Variants in INSRR observed in about 807,000 individuals in gnomAD.
INSRR encodes insulin receptor-related protein.
A neutral mutation model predicts 130.0 loss-of-function variants in INSRR; 114 were observed. The observed-to-expected ratio is 0.88, with a 90% CI of 0.75 to 1.02. INSRR has a LOEUF of 1.02. Ranked by LOEUF, INSRR falls within the 50% of genes least tolerant of loss-of-function variation. The probability of loss-of-function intolerance (pLI) is 0.00; values close to 1 mark genes in which losing one functional copy is unlikely to be tolerated. For synonymous variants in INSRR, 674 were observed against 705.2 expected (o/e 0.96, Z 0.70); for missense variants, 1,657 against 1,735.2 (o/e 0.95, Z 0.80).
At chr1:156,844,151 G>A in intron 15 of INSRR, 24 bp downstream of exon 15, 1 of 1,547,684 alleles carries the variant, frequency 6.5e-7, no homozygotes, top group Non-Finnish European at 8.9e-7. Flanking sequence ...AAAGGGGGTG[G>A]GGACCGGTGG....
Position 156,845,286 on chromosome 1 carries a change from G to T in INSRR, c.2227C>A (p.Arg743=), listed in dbSNP as rs1485234074. ...AGGGGCCCAGCTGCCCGGCGGTGCCGCCCTGAGTCCCTGGGGAGAGCGAGT... is the reference window on the plus strand; with the variant it reads ...AGGGGCCCAGCTGCCCGGCGGTGCCTCCCTGAGTCCCTGGGGAGAGCGAGT... The part of the protein sequence containing the change: ...INKSPQRDSG[R]HRRAAGPLRL... Residue 743 remains arginine (R), a synonymous_variant, in exon 12 of 22, where the codon CGG becomes AGG. Transcript: ENST00000368195. 6.2e-7 allele frequency: 1 copy of T among 1,612,654 alleles called. No homozygotes were observed.
At chr1:156,847,237 G>A (rs1655044952) in intron 7 of INSRR, among the ~76,000 whole-genome samples, 1 of 152,180 alleles carries the variant, frequency 6.6e-6, no homozygotes, top group African/African-American at 2.4e-5. Flanking sequence ...GTGCATGTGT[G>A]TTTTTCTAGA....
intron 12 of INSRR, 105 bp from the exon 13 acceptor site, chr1:156,844,948 G>T: frequency 1.3e-6 from 2 of 1,563,508 alleles, no homozygotes; most frequent in Non-Finnish European, 1.7e-6. Context: ...AAAGCTTTGG[G>T]ATTATGGGAA....
chr1:156,843,292 C>G lies in INSRR; in HGVS notation c.2897-59G>C, dbSNP rs530806347. On this transcript the variant is annotated intron_variant, in intron 16 of 21. Coordinates refer to ENST00000368195, the MANE Select transcript of INSRR (RefSeq NM_014215.3). ...GCTGCTCTCTGCCACACCTCACCCCCCAACTTCTCTTCTCCTCTTCTGAAG... is the reference window on the plus strand; with the variant it reads ...GCTGCTCTCTGCCACACCTCACCCCGCAACTTCTCTTCTCCTCTTCTGAAG... The G allele has an allele frequency of 3.2e-6, 5 of 1,576,478 alleles. No homozygotes were observed. The African/African-American group carries it at 6.7e-5, about 21-fold the overall frequency.
chr1:156,853,701 G>C, intron 2 of INSRR, 51 bp downstream of exon 2: 1 of 1,536,902 alleles, frequency 6.5e-7, no homozygotes, highest in African/African-American at 1.4e-5. Flanking sequence ...CCAGCCCCAT[G>C]TGACCCTGCT....
At chr1:156,858,396 G>T in intron 1 of INSRR, 141 bp downstream of exon 1, 1 of 671,388 alleles carries the variant, frequency 1.5e-6, no homozygotes, top group Non-Finnish European at 2.7e-6. Context: ...TTCCTGCTGG[G>T]CAGTTCTCCT....
chr1:156,844,256 TGCAGCCCCCCAGCATCCTCCTCCTCTG>T lies in INSRR; in HGVS notation c.2738-3_2761del. On this transcript the variant is annotated splice_acceptor_variant and splice_polypyrimidine_tract_variant and coding_sequence_variant and intron_variant, in exon 15 of 22. Transcript: ENST00000368195. LOFTEE classifies it high-confidence loss of function. ...CACAGGGGTGGCAGTGAGGAGGACA[TGCAGCCCCCCAGCATCCTCCTCCTCTG>T]GCAGTCAGAGGGCAGCAGAGGGTAG... 6.2e-7 allele frequency: 1 copy of T among 1,613,712 alleles called. No homozygotes were observed. The highest frequency in any genetic ancestry group is 8.5e-7 in the Non-Finnish European group (1 of 1,179,814).
In INSRR at chr1:156,842,122, G is replaced by C. The variant is rs752162923; in HGVS notation, c.3387C>G (p.Val1129=). The C allele has an allele frequency of 2.5e-5, 40 of 1,613,980 alleles. No homozygotes were observed. The highest frequency in any genetic ancestry group is 3.2e-5 in the Non-Finnish European group (38 of 1,180,000). The change falls in exon 19 of 22, where the codon GTC becomes GTG. Residue 1129 remains valine, a synonymous_variant. Transcript: ENST00000368195. The part of the protein sequence containing the change: ...RNCMVSQDFT[V]KIGDFGMTRD... ...TGGCACCCTCTGTACCCCCGATCTT[G>C]ACGGTGAAGTCCTGGGACACCATGC...
At chr1:156,841,551 G>A (rs1425417157) in intron 20 of INSRR, 23 bp from the exon 21 acceptor site, 36 of 1,613,846 alleles carry the variant, frequency 2.2e-5, no homozygotes, top group Non-Finnish European at 3.1e-5. Flanking sequence ...AGGAGCTCCT[G>A]AGCCCAGCAC....
In INSRR at chr1:156,841,005, G is replaced by A; in HGVS notation, c.3762C>T (p.Phe1254=). ...DSIQEELRPS[F]RLLSFYYSPE... is the part of the protein sequence containing the mutation. The stretch of plus-strand genomic sequence containing the variant: ...GGCTGTAGTAGAAGGAGAGGAGGCG[G>A]AAGGAGGGCCGCAGCTCCTCCTGTA... The change falls in exon 22 of 22, where the codon TTC becomes TTT. Residue 1254 remains phenylalanine, a synonymous_variant. Transcript: ENST00000368195. 1 of 1,611,946 alleles carries A rather than the reference G, an allele frequency of 6.2e-7. No homozygotes were observed. Among genetic ancestry groups the A allele is most frequent in the Non-Finnish European group, 8.5e-7 (1 of 1,179,078 alleles).
At chr1:156,855,031 A>C (rs1312476574) in intron 1 of INSRR, among the ~76,000 whole-genome samples, 1 of 152,130 alleles carries the variant, frequency 6.6e-6, no homozygotes, top group South Asian at 2.1e-4. Context: ...TTACTACTAT[A>C]ACAAGCCAGC....
intron 4 of INSRR, 85 bp downstream of exon 4, chr1:156,851,561 T>C: frequency 6.2e-7 from 1 of 1,609,338 alleles, no homozygotes; most frequent in Non-Finnish European, 8.5e-7. Context: ...TGGAAAATTG[T>C]GCTGAGTTGG....
At chr1:156,851,072 C>T (rs1472460308) in intron 5 of INSRR, 2 of 625,962 alleles carry the variant, frequency 3.2e-6, no homozygotes, top group Non-Finnish European at 5.7e-6. Flanking sequence ...CACATAACAA[C>T]TTGAGTAATA....
Position 156,848,979 on chromosome 1 carries a change from G to A in INSRR, c.1513C>T (p.Arg505Cys). ...EADRILLRWE[R>C]YEPLEARDLL... ...TCGCGGGCCTCCAGTGGCTCATAGC[G>A]CTCCCAGCGTAGCAGGATGCGGTCT... Residue 505 changes from arginine (R) to cysteine (C), a missense_variant, in exon 7 of 22, where the codon CGC (arginine) becomes TGC (cysteine). Physicochemically the swap from Arg to Cys is radical, Grantham distance 180. Transcript: ENST00000368195. 2 of 1,609,342 alleles carry A rather than the reference G, an allele frequency of 1.2e-6. No individual in the cohort carries two copies. Among genetic ancestry groups the A allele is most frequent in the Non-Finnish European group, 1.7e-6 (2 of 1,178,284 alleles).
At position 156,845,721 on chromosome 1, in the gene INSRR, T is replaced by C; in HGVS notation, c.2072A>G (p.Gln691Arg). 1 of 1,613,586 alleles carries C rather than the reference T, an allele frequency of 6.2e-7. No homozygotes were observed. Residue 691 changes from glutamine (Q) to arginine (R), a missense_variant, in exon 10 of 22, where the codon CAG becomes CGG. Gln to Arg is a conservative substitution (Grantham distance 43). Transcript: ENST00000368195. ...CAGAACCTGACCAGGAGGTGGGTGCTGGCAAGGGCAGCAGTCGGACTCCAT... is the reference window on the plus strand; with the variant it reads ...CAGAACCTGACCAGGAGGTGGGTGCCGGCAAGGGCAGCAGTCGGACTCCAT... ...AEMESDCCPC[Q>R]HPPPGQVLPP...
rs1428949049 is a variant in INSRR, at chr1:156,858,671, TG to T, written c.-51del. 1 of 1,514,766 alleles carries T rather than the reference TG, an allele frequency of 6.6e-7. No homozygotes were observed. The highest frequency in any genetic ancestry group is 9.2e-7 in the Non-Finnish European group (1 of 1,089,878). 93.8% of individuals were successfully genotyped at this position (1,514,766 alleles called of 1,614,324 possible). On this transcript the variant is annotated 5_prime_UTR_variant, in exon 1 of 22. Transcript: ENST00000368195. ...GTCCCGGCTCTCCTCCCGGTGACTC[TG>T]GGGAGAACGGTGTGATAAGCCCTAA...
intron 10 of INSRR, 41 bp downstream of exon 10, chr1:156,845,578 C>T (rs368132912): frequency 6.5e-7 from 1 of 1,535,680 alleles, no homozygotes; most frequent in Non-Finnish European, 8.8e-7. Flanking sequence ...CTCACAGGCC[C>T]CACTCATCAG....
rs569399383 is a variant in INSRR at position 156,845,239 on chromosome 1, C to T, written c.2274G>A (p.Ser758=). The T allele has an allele frequency of 6.2e-7, 1 of 1,610,520 alleles. No individual in the cohort carries two copies. The highest frequency in any genetic ancestry group is 8.5e-7 in the Non-Finnish European group (1 of 1,178,604). ...CCTTGTCCTCCTGGATCTCGAAATCCGAGCTGTTGCCCCCCAGCCGGAGGG... is the reference window on the plus strand; with the variant it reads ...CCTTGTCCTCCTGGATCTCGAAATCTGAGCTGTTGCCCCCCAGCCGGAGGG... ...AGPLRLGGNS[S]DFEIQEDKVP... Residue 758 remains serine (S), a synonymous_variant, in exon 12 of 22, where the codon TCG becomes TCA. Coordinates refer to ENST00000368195, the MANE Select transcript of INSRR (RefSeq NM_014215.3).
At chr1:156,852,905 G>T (rs187277514) in intron 2 of INSRR, among the ~76,000 whole-genome samples, 1 of 152,244 alleles carries the variant, frequency 6.6e-6, no homozygotes, top group East Asian at 1.9e-4. Flanking sequence ...CGCCCGCCCT[G>T]CTGCTGAGGC....
Sources: allele counts gnomAD v4.1 joint callset (sites outside exome capture counted in the v4.1 genomes callset), GRCh38; gene constraint gnomAD v4.1.1; transcripts MANE v1.5; gene names NCBI Gene and HGNC (gene_info 2026-07-23, HGNC 2026-07-21).